The following KDM4D variants were observed in gnomAD, a reference collection of about 807,000 sequenced individuals.
KDM4D encodes the protein lysine-specific demethylase 4D.
For missense variants in KDM4D, 427 were observed against 674.8 expected (o/e 0.63, Z 4.07); for synonymous variants, 254 against 249.1 (o/e 1.02, Z -0.19).
intron 2 of KDM4D, among the ~76,000 whole-genome samples, 183 bp from the exon 3 acceptor site, chr11:94,996,841 T>G (rs1857979342): frequency 6.6e-6 from 1 of 152,202 alleles, no homozygotes; most frequent in Non-Finnish European, 1.5e-5. Context: ...GTGCTTCATA[T>G]TCTCTGTAGT....
At chr11:94,974,140 T>G (rs1460732355) in intron 1 of KDM4D, 72 bp downstream of exon 1, 1 of 152,274 alleles carries the variant, frequency 6.6e-6, no homozygotes, top group African/African-American at 2.4e-5. Context: ...AAATTTCTTA[T>G]TTAAAAAACG....
chr11:94,990,808 C>A (rs981025768), intron 2 of KDM4D, among the ~76,000 whole-genome samples: 2 of 152,200 alleles, frequency 1.3e-5, no homozygotes, highest in African/African-American at 4.8e-5. Flanking sequence ...TTAGGTACCT[C>A]TGGGAGTGAC....
At chr11:94,978,012 T>A in intron 2 of KDM4D, among the ~76,000 whole-genome samples, 1 of 152,234 alleles carries the variant, frequency 6.6e-6, no homozygotes, top group East Asian at 1.9e-4. Flanking sequence ...TGTATTAGTC[T>A]GAAATCCCGA....
intron 2 of KDM4D, among the ~76,000 whole-genome samples, chr11:94,993,968 T>A (rs2134115606): frequency 6.6e-6 from 1 of 152,278 alleles, no homozygotes; most frequent in South Asian, 2.1e-4. Context: ...GGGATGAGAT[T>A]GGGAGACTAT....
intron 2 of KDM4D, among the ~76,000 whole-genome samples, chr11:94,977,138 G>C (rs183925760): frequency 6.6e-6 from 1 of 152,142 alleles, no homozygotes; most frequent in East Asian, 1.9e-4. Flanking sequence ...ATTTCAAATA[G>C]ACAAGTCAAT....
chr11:94,981,631 T>C (rs1259412615), intron 2 of KDM4D, among the ~76,000 whole-genome samples: 2 of 152,072 alleles, frequency 1.3e-5, no homozygotes, highest in Admixed American at 6.5e-5. Context: ...TGGCATAAAG[T>C]TGTTTATACT....
At chr11:94,974,773 G>A (rs938372407) in intron 1 of KDM4D, among the ~76,000 whole-genome samples, 19 of 152,060 alleles carry the variant, frequency 1.2e-4, no homozygotes, top group Non-Finnish European at 2.6e-4. Flanking sequence ...AAACTCACCC[G>A]CAATTTTATT....
rs781974925 is a variant in KDM4D, at chr11:94,997,699, A to G, written c.327A>G (p.Lys109=). 7 of 1,614,160 alleles carry G rather than the reference A, an allele frequency of 4.3e-6. No homozygotes were observed. The South Asian group carries it at 6.6e-5, about 15-fold the overall frequency. Residue 109 remains lysine, a synonymous_variant, in exon 3 of 3, where the codon AAA becomes AAG. Coordinates refer to ENST00000335080, the MANE Select transcript of KDM4D (RefSeq NM_018039.3). The stretch of plus-strand genomic sequence containing the variant: ...ATCGCCATTTGGCAAACAGTAAAAA[A>G]TATCAGACTCCACCACACCAGAATT... ...GEYRHLANSK[K]YQTPPHQNFE... is the part of the protein sequence containing the mutation.
At chr11:94,985,840 G>A (rs191346050) in intron 2 of KDM4D, among the ~76,000 whole-genome samples, 31 of 152,240 alleles carry the variant, frequency 2.0e-4, no homozygotes, top group African/African-American at 7.0e-4. Context: ...AATGGTGCTG[G>A]AACAACTCGA....
At chr11:94,991,118 C>T (rs782144459) in intron 2 of KDM4D, among the ~76,000 whole-genome samples, 6 of 152,148 alleles carry the variant, frequency 3.9e-5, no homozygotes, top group Non-Finnish European at 5.9e-5. Flanking sequence ...CTGTACTCTC[C>T]AGGAGAAAGA....
chr11:94,994,613 G>A (rs1190946973), intron 2 of KDM4D, among the ~76,000 whole-genome samples: 3 of 152,076 alleles, frequency 2.0e-5, no homozygotes, highest in South Asian at 2.1e-4. Flanking sequence ...GGAGTTTTAG[G>A]AGGAAGGGGG....
At chr11:94,989,758 T>C (rs1857918918) in intron 2 of KDM4D, among the ~76,000 whole-genome samples, 1 of 148,268 alleles carries the variant, frequency 6.7e-6, no homozygotes, top group Non-Finnish European at 1.5e-5. Context: ...CTTTCTTTTT[T>C]TTTTTTTTTT....
intron 2 of KDM4D, among the ~76,000 whole-genome samples, chr11:94,986,541 A>G (rs1555098137): frequency 6.6e-6 from 1 of 152,132 alleles, no homozygotes; most frequent in Non-Finnish European, 1.5e-5. Flanking sequence ...GGCTGCAGTA[A>G]GCTGTGATTA....
chr11:94,989,422 T>G (rs1857914780), intron 2 of KDM4D, among the ~76,000 whole-genome samples: 1 of 152,218 alleles, frequency 6.6e-6, no homozygotes, highest in African/African-American at 2.4e-5. Context: ...CAGATACCAC[T>G]GTTACTGCTG....
intron 2 of KDM4D, among the ~76,000 whole-genome samples, chr11:94,988,318 G>C (rs782056994): frequency 8.5e-5 from 13 of 152,202 alleles, no homozygotes; most frequent in Non-Finnish European, 1.8e-4. Flanking sequence ...CTTTGGGAGA[G>C]AGTTGTGATA....
intron 2 of KDM4D, among the ~76,000 whole-genome samples, chr11:94,984,278 T>G (rs1215402494): frequency 6.6e-6 from 1 of 152,044 alleles, no homozygotes; most frequent in African/African-American, 2.4e-5. Context: ...GCAGATTGCT[T>G]GAGCTCAGGA....
At chr11:94,991,358 C>CA (rs1328737449) in intron 2 of KDM4D, among the ~76,000 whole-genome samples, 30 of 149,128 alleles carry the variant, frequency 2.0e-4, no homozygotes, top group Admixed American at 1.1e-3. Flanking sequence ...GAGACCAAAG[C>CA]AAAAAAAAGA....
chr11:94,982,718 A>G (rs895562093), intron 2 of KDM4D, among the ~76,000 whole-genome samples: 2 of 151,960 alleles, frequency 1.3e-5, no homozygotes, highest in African/African-American at 4.8e-5. Flanking sequence ...TCAATAAATA[A>G]TAAGAAAACT....
chr11:94,996,242 G>A (rs1253919991), intron 2 of KDM4D, among the ~76,000 whole-genome samples: 4 of 152,042 alleles, frequency 2.6e-5, no homozygotes, highest in Non-Finnish European at 5.9e-5. Flanking sequence ...AGAAATTTGT[G>A]AAAATCATCA....
Sources: allele counts gnomAD v4.1 joint callset (sites outside exome capture counted in the v4.1 genomes callset), GRCh38; gene constraint gnomAD v4.1.1; transcripts MANE v1.5; gene names NCBI Gene and HGNC (gene_info 2026-07-23, HGNC 2026-07-21).